Variants in PTPRD observed in about 807,000 individuals in gnomAD.
PTPRD encodes receptor-type tyrosine-protein phosphatase delta.
In PTPRD, 34 loss-of-function variants were observed where a neutral mutation model predicts 214.5. The ratio of observed to expected loss-of-function variants is 0.16; its 90% CI spans 0.12 to 0.21. PTPRD has a LOEUF of 0.21. PTPRD is among the 10% of genes least tolerant of loss of function. The probability of loss-of-function intolerance (pLI) is 1.00; values close to 1 mark genes in which losing one functional copy is unlikely to be tolerated. For synonymous variants in PTPRD, 1,128 were observed against 845.7 expected (o/e 1.33, Z -5.79); for missense variants, 2,545 against 2,398.7 (o/e 1.06, Z -1.27).
intron 5 of PTPRD, among the ~76,000 whole-genome samples, chr9:9,877,649 A>G (rs2153729627): frequency 6.6e-6 from 1 of 152,212 alleles, no homozygotes; most frequent in South Asian, 2.1e-4. Flanking sequence ...CCAAGATAGG[A>G]AAACAGGTTT....
chr9:10,199,909 ACG>A (rs1491147459), intron 3 of PTPRD, among the ~76,000 whole-genome samples: 9,393 of 142,352 alleles, frequency 0.066, 481 homozygotes, highest in African/African-American at 0.16. Context: ...GCGCGCACAC[ACG>A]CACACACACA....
At chr9:9,213,373 A>G (rs2099950056) in intron 9 of PTPRD, among the ~76,000 whole-genome samples, 1 of 152,336 alleles carries the variant, frequency 6.6e-6, no homozygotes, top group Non-Finnish European at 1.5e-5. Context: ...GAAAGTTTAC[A>G]CAAAACACAG....
chr9:8,734,956 G>T (rs1180120966), intron 11 of PTPRD, among the ~76,000 whole-genome samples: 1 of 152,042 alleles, frequency 6.6e-6, no homozygotes, highest in African/African-American at 2.4e-5. Context: ...CAGGGCAGTG[G>T]GAAAGGAACT....
chr9:9,967,740 C>A (rs2094807007), intron 4 of PTPRD, among the ~76,000 whole-genome samples: 1 of 152,036 alleles, frequency 6.6e-6, no homozygotes, highest in African/African-American at 2.4e-5. Context: ...TTTTTTATTT[C>A]AAAATCTTTA....
intron 12 of PTPRD, among the ~76,000 whole-genome samples, chr9:8,640,457 G>C (rs976474012): frequency 6.6e-6 from 1 of 151,284 alleles, no homozygotes; most frequent in African/African-American, 2.4e-5. Flanking sequence ...ATTGAACTGT[G>C]GTAAACTTAT....
At chr9:10,221,326 C>A (rs1381105249) in intron 3 of PTPRD, among the ~76,000 whole-genome samples, 2 of 151,978 alleles carry the variant, frequency 1.3e-5, no homozygotes, top group Non-Finnish European at 1.5e-5. Context: ...CACAGACACA[C>A]ACCTCTGCAT....
intron 30 of PTPRD, among the ~76,000 whole-genome samples, chr9:8,481,884 G>A (rs575225916): frequency 3.9e-4 from 59 of 152,242 alleles, no homozygotes; most frequent in African/African-American, 1.4e-3. Flanking sequence ...CCAGGTTCAA[G>A]CGATTCTCCC....
intron 9 of PTPRD, among the ~76,000 whole-genome samples, chr9:9,289,498 T>G (rs1395030393): frequency 6.6e-6 from 1 of 151,828 alleles, no homozygotes; most frequent in Non-Finnish European, 1.5e-5. Flanking sequence ...TGTGTGTGTC[T>G]GCTCTCTTCA....
rs1485501417 is a variant in PTPRD at position 10,363,991 on chromosome 9, G to GTTTTTTTGTTTTTT, written c.-599-22975_-599-22974insAAAAAACAAAAAAA. ...ATTATTATTGCCTCCACATTTTCGG[G>GTTTTTTTGTTTTTT]TTTTTTTTTTTTTTTTTTTTTTTTT... is the stretch of plus-strand genomic sequence containing the variant. On this transcript the variant is annotated intron_variant, in intron 2 of 45. Coordinates refer to ENST00000381196, the MANE Select transcript of PTPRD (RefSeq NM_002839.4). 5.4e-4 allele frequency among the ~76,000 whole-genome samples: 19 copies of GTTTTTTTGTTTTTT among 35,128 alleles called. 2 individuals carry two copies. The highest frequency in any genetic ancestry group is 6.2e-4 in the African/African-American group (5 of 8,106). The allele number at this position is 35,128 out of a possible 152,430, so 23.0% of individuals were successfully genotyped here.
chr9:8,745,341 T>C (rs150445696), intron 11 of PTPRD, among the ~76,000 whole-genome samples: 2 of 152,214 alleles, frequency 1.3e-5, no homozygotes, highest in Admixed American at 6.5e-5. Flanking sequence ...GCTGAGGCGA[T>C]GTCATGATTA....
chr9:8,418,860 G>A (rs527752166), intron 35 of PTPRD, among the ~76,000 whole-genome samples: 1 of 151,990 alleles, frequency 6.6e-6, no homozygotes, highest in African/African-American at 2.4e-5. Flanking sequence ...AGAGTATACT[G>A]GAAGAATAAA....
intron 3 of PTPRD, among the ~76,000 whole-genome samples, chr9:10,173,362 G>C (rs777243123): frequency 1.3e-5 from 2 of 152,076 alleles, no homozygotes; most frequent in Non-Finnish European, 2.9e-5. Context: ...CTATTATAAA[G>C]TACAAAAAAT....
chr9:9,122,062 C>A (rs1356860783), intron 10 of PTPRD, among the ~76,000 whole-genome samples: 2 of 152,160 alleles, frequency 1.3e-5, no homozygotes, highest in South Asian at 2.1e-4. Context: ...AAGGTACTAG[C>A]CATTTATGAT....
chr9:9,289,236 C>G (rs1310581166), intron 9 of PTPRD, among the ~76,000 whole-genome samples: 2 of 151,768 alleles, frequency 1.3e-5, no homozygotes, highest in Non-Finnish European at 2.9e-5. Context: ...AAAAAATTGT[C>G]ATACAAACAG....
At chr9:9,969,095 A>G (rs1309910797) in intron 4 of PTPRD, among the ~76,000 whole-genome samples, 1 of 152,190 alleles carries the variant, frequency 6.6e-6, no homozygotes, top group African/African-American at 2.4e-5. Context: ...CTACGAAAGC[A>G]TGTGACACGT....
chr9:9,788,225 T>C (rs543917525), intron 5 of PTPRD, among the ~76,000 whole-genome samples: 2 of 152,116 alleles, frequency 1.3e-5, no homozygotes, highest in African/African-American at 4.8e-5. Flanking sequence ...TCAAATTTTC[T>C]TTCACAAAAG....
intron 3 of PTPRD, among the ~76,000 whole-genome samples, chr9:10,308,785 T>A (rs10959038): frequency 0.047 from 7,154 of 152,108 alleles, 216 homozygotes; most frequent in African/African-American, 0.084. Flanking sequence ...CTCAAGCAGT[T>A]CGTTTCTATC....
chr9:9,209,697 GC>G (rs1569562412), intron 9 of PTPRD, among the ~76,000 whole-genome samples: 1 of 152,074 alleles, frequency 6.6e-6, no homozygotes, highest in East Asian at 1.9e-4. Context: ...GTGGGTGATG[GC>G]CTCAGAAAGA....
chr9:8,986,390 AAG>A (rs2099345245), intron 11 of PTPRD, among the ~76,000 whole-genome samples: 1 of 152,014 alleles, frequency 6.6e-6, no homozygotes, highest in Non-Finnish European at 1.5e-5. Flanking sequence ...AATACAAATC[AAG>A]AGTTAACAGT....
Sources: allele counts gnomAD v4.1 joint callset (sites outside exome capture counted in the v4.1 genomes callset), GRCh38; gene constraint gnomAD v4.1.1; transcripts MANE v1.5; gene names NCBI Gene and HGNC (gene_info 2026-07-23, HGNC 2026-07-21).